The following PRKN variants were observed in gnomAD, a reference collection of about 807,000 sequenced individuals.
PRKN encodes the protein parkin RBR E3 ubiquitin protein ligase.
Under a neutral mutation model 59.5 loss-of-function variants are expected in PRKN, and 56 were observed. The ratio of observed to expected loss-of-function variants is 0.94; its 90% CI spans 0.76 to 1.18. The LOEUF (loss-of-function observed/expected upper bound fraction) is 1.18. Ranked by LOEUF, PRKN falls within the 50% of genes most tolerant of loss-of-function variation. PRKN has a pLI of 0.00. For missense variants in PRKN, 657 were observed against 596.4 expected (o/e 1.10, Z -1.06); for synonymous variants, 250 against 222.1 (o/e 1.13, Z -1.12).
At chr6:161,802,625 C>T (rs192603792) in intron 6 of PRKN, among the ~76,000 whole-genome samples, 246 of 152,292 alleles carry the variant, frequency 1.6e-3, no homozygotes, top group Non-Finnish European at 1.9e-3. Context: ...TCCTTTGCAA[C>T]GAGCCCCTCT....
rs1790300674 is a variant in PRKN, at chr6:161,463,237, C to T, written c.1084-76360G>A. 6.6e-6 allele frequency among the ~76,000 whole-genome samples: 1 copy of T among 152,144 alleles called. No individual in the cohort carries two copies. On this transcript the variant is annotated intron_variant, in intron 9 of 11. Coordinates refer to ENST00000366898, the MANE Select transcript of PRKN (RefSeq NM_004562.3). This position sits in a 1 kb window ranked among gnomAD's most constrained non-coding sequence, Gnocchi z 4.8. ...CTCTGGAAGGTGACTGCCAGGTCAGCTTCACTGTCAGCTGGTGCCTCTCCT... is the reference window on the plus strand; with the variant it reads ...CTCTGGAAGGTGACTGCCAGGTCAGTTTCACTGTCAGCTGGTGCCTCTCCT...
chr6:162,638,189 A>G (rs916527081), intron 1 of PRKN, among the ~76,000 whole-genome samples: 27 of 102,408 alleles, frequency 2.6e-4, no homozygotes, highest in African/African-American at 9.7e-4. Context: ...CTGAACTGTA[A>G]GACAATAATA....
chr6:162,195,708 C>T (rs959122475), intron 4 of PRKN, among the ~76,000 whole-genome samples: 5 of 152,100 alleles, frequency 3.3e-5, no homozygotes, highest in South Asian at 2.1e-4. Flanking sequence ...GGGAGGGGGT[C>T]ACCCAAAGTT....
At chr6:161,515,616 C>T (rs1379468080) in intron 9 of PRKN, among the ~76,000 whole-genome samples, 1 of 152,146 alleles carries the variant, frequency 6.6e-6, no homozygotes, top group Non-Finnish European at 1.5e-5. Context: ...ATAACTACAG[C>T]AAATCCTCCT....
chr6:162,077,943 G>C (rs550142910), intron 4 of PRKN, among the ~76,000 whole-genome samples: 7 of 150,098 alleles, frequency 4.7e-5, no homozygotes, highest in African/African-American at 1.7e-4. Context: ...GGAGGTTGCA[G>C]TGAGCCAAGA....
intron 2 of PRKN, among the ~76,000 whole-genome samples, chr6:162,307,230 T>C (rs1782273083): frequency 6.6e-6 from 1 of 151,758 alleles, no homozygotes; most frequent in Non-Finnish European, 1.5e-5. Flanking sequence ...TGAAATCCCA[T>C]CTCCACTAAA....
At chr6:162,723,034 T>TACAC (rs975966822) in intron 1 of PRKN, among the ~76,000 whole-genome samples, 4 of 152,204 alleles carry the variant, frequency 2.6e-5, no homozygotes, top group African/African-American at 9.6e-5. Flanking sequence ...CAAAGAGCAG[T>TACAC]ACACAGTATA....
rs185655249 is a variant in PRKN, at chr6:162,104,630, T to G, written c.535-50456A>C. ...AAATAAATAAGAATGAAATGCAGCC[T>G]GCATCAGCAGGCCAGGCGTGGACTC... On this transcript the variant is annotated intron_variant, in intron 4 of 11. Coordinates refer to ENST00000366898, the MANE Select transcript of PRKN (RefSeq NM_004562.3). Among the ~76,000 whole-genome samples the G allele has an allele frequency of 2.7e-3, 410 of 152,276 alleles. 1 individual carries two copies. The highest frequency in any genetic ancestry group is 3.7e-3 in the Non-Finnish European group (249 of 68,034).
intron 9 of PRKN, among the ~76,000 whole-genome samples, chr6:161,542,510 T>G (rs991080674): frequency 1.3e-5 from 2 of 152,240 alleles, no homozygotes; most frequent in African/African-American, 4.8e-5. Flanking sequence ...TTTCCATCTT[T>G]GCACTTCAAG....
chr6:161,930,655 C>A (rs763643447), intron 6 of PRKN, among the ~76,000 whole-genome samples: 34 of 152,166 alleles, frequency 2.2e-4, no homozygotes, highest in Admixed American at 1.2e-3. Flanking sequence ...TGTCCAAATT[C>A]AAAAACCCTG....
intron 7 of PRKN, among the ~76,000 whole-genome samples, chr6:161,743,386 T>TTTTTTTTA (rs1554299551): frequency 1.5e-4 from 21 of 140,244 alleles, no homozygotes; most frequent in Admixed American, 2.2e-4. Context: ...CATCCAGCTT[T>TTTTTTTTA]TTTATTTATT....
chr6:161,357,898 T>G lies in PRKN; in HGVS notation c.1285+2190A>C, dbSNP rs1243937388. ...TGCCCATGCTGTGAGGAAGTCCCAT[T>G]GAAACCCATCTTATGAACGAGCAAA... On this transcript the variant is annotated intron_variant, in intron 11 of 11. Transcript: ENST00000366898. The surrounding 1 kb of genome is among the most constrained non-coding windows in gnomAD (Gnocchi z 5.5). Among the ~76,000 whole-genome samples, 1 of 152,186 alleles carries G rather than the reference T, an allele frequency of 6.6e-6. No homozygotes were observed. The highest frequency in any genetic ancestry group is 1.9e-4 in the East Asian group (1 of 5,192).
At chr6:161,952,907 G>T (rs950211875) in intron 6 of PRKN, among the ~76,000 whole-genome samples, 1 of 152,160 alleles carries the variant, frequency 6.6e-6, no homozygotes, top group Non-Finnish European at 1.5e-5. Flanking sequence ...ATAAAACAAT[G>T]AAAGGGTAAA....
chr6:162,415,176 A>T (rs1433247659), intron 2 of PRKN, among the ~76,000 whole-genome samples: 4 of 152,278 alleles, frequency 2.6e-5, no homozygotes, highest in African/African-American at 7.2e-5. Context: ...GACTTAGCGT[A>T]GCTACAATTG....
In PRKN at chr6:161,483,848, A is replaced by G. The variant is rs1394523357; in HGVS notation, c.1083+65006T>C. On this transcript the variant is annotated intron_variant, in intron 9 of 11. Transcript: ENST00000366898. The surrounding 1 kb of genome is among the most constrained non-coding windows in gnomAD (Gnocchi z 5.0). ...ATATCATGGAATACTATGCAACCAT[A>G]AAAAGGAACAAGACCATATCCTTTG... 6.6e-6 allele frequency among the ~76,000 whole-genome samples: 1 copy of G among 152,192 alleles called. No individual in the cohort carries two copies. Among genetic ancestry groups the G allele is most frequent in the Non-Finnish European group, 1.5e-5 (1 of 68,022 alleles).
At chr6:161,780,373 A>C (rs938670220) in intron 7 of PRKN, among the ~76,000 whole-genome samples, 44 of 152,186 alleles carry the variant, frequency 2.9e-4, no homozygotes, top group African/African-American at 1.1e-3. Context: ...TAATGTACAG[A>C]ATGATATGTG....
At chr6:161,719,098 T>C (rs1787111775) in intron 7 of PRKN, among the ~76,000 whole-genome samples, 3 of 152,162 alleles carry the variant, frequency 2.0e-5, no homozygotes, top group Admixed American at 6.5e-5. Context: ...AAAATGGAGA[T>C]AAACAAAATA....
At position 161,369,200 on chromosome 6, in the gene PRKN, G is replaced by C. The variant is rs189055832; in HGVS notation, c.1168-8995C>G. 9.9e-5 allele frequency among the ~76,000 whole-genome samples: 15 copies of C among 152,254 alleles called. No homozygotes were observed. The highest frequency in any genetic ancestry group is 1.9e-4 in the Non-Finnish European group (13 of 68,026). ...TAATGCTGATGTTTAAATCCTTCTG[G>C]AGTGATCTCAAGCAGTGGCTGGGTG... On this transcript the variant is annotated intron_variant, in intron 10 of 11. Coordinates refer to ENST00000366898, the MANE Select transcript of PRKN (RefSeq NM_004562.3). This position sits in a 1 kb window ranked among gnomAD's most constrained non-coding sequence, Gnocchi z 5.8.
chr6:162,263,900 A>T (rs917972884), intron 2 of PRKN, among the ~76,000 whole-genome samples: 1 of 150,922 alleles, frequency 6.6e-6, no homozygotes, highest in African/African-American at 2.4e-5. Flanking sequence ...CCCCAACCAA[A>T]AAATAATATC....
Sources: allele counts gnomAD v4.1 joint callset (sites outside exome capture counted in the v4.1 genomes callset), GRCh38; gene constraint gnomAD v4.1.1; non-coding constraint Gnocchi (gnomAD v3.1); transcripts MANE v1.5; gene names NCBI Gene and HGNC (gene_info 2026-07-23, HGNC 2026-07-21).